CSMD1: variants seen among roughly 807,000 people sequenced by gnomAD.
The protein encoded by CSMD1 is CUB and Sushi multiple domains 1, also known as CUB and sushi domain-containing protein 1.
In CSMD1, 213 loss-of-function variants were observed where a neutral mutation model predicts 417.5. The ratio of observed to expected loss-of-function variants is 0.51; its 90% CI spans 0.46 to 0.57. The LOEUF (loss-of-function observed/expected upper bound fraction) is 0.57, where lower values mean the gene tolerates loss of function less well. Ranked by LOEUF, CSMD1 falls within the 20% of genes least tolerant of loss-of-function variation. The pLI, the probability that CSMD1 is intolerant of heterozygous loss-of-function variation, is 0.00. For missense variants in CSMD1, 6,923 were observed against 4,529.7 expected (o/e 1.53, Z -15.17); for synonymous variants, 2,862 against 1,736.8 (o/e 1.65, Z -16.11).
Position 4,739,027 on chromosome 8 carries a change from A to G in CSMD1, c.86-101469T>C, listed in dbSNP as rs184253772. 2.6e-3 allele frequency among the ~76,000 whole-genome samples: 402 copies of G among 152,182 alleles called. 1 individual carries two copies. Among genetic ancestry groups the G allele is most frequent in the African/African-American group, 9.0e-3 (373 of 41,464 alleles). ...CATGCTAAAACAAGTTAAAAGTTAA[A>G]GGAATGTAGTGTGAGTAACTGATAT... On this transcript the variant is annotated intron_variant, in intron 1 of 69. Transcript: ENST00000635120.
At chr8:3,772,626 C>G (rs202063978) in intron 5 of CSMD1, among the ~76,000 whole-genome samples, 1 of 123,908 alleles carries the variant, frequency 8.1e-6, no homozygotes, top group Non-Finnish European at 1.6e-5. Context: ...TACATATATA[C>G]ACATATATTT....
At chr8:4,143,009 T>C (rs533371132) in intron 3 of CSMD1, among the ~76,000 whole-genome samples, 1 of 150,284 alleles carries the variant, frequency 6.7e-6, no homozygotes, top group South Asian at 2.1e-4. Context: ...AAAAATGCTC[T>C]CCATTTAGGA....
At chr8:4,767,433 C>T (rs1319606431) in intron 1 of CSMD1, among the ~76,000 whole-genome samples, 1 of 152,138 alleles carries the variant, frequency 6.6e-6, no homozygotes, top group Non-Finnish European at 1.5e-5. Context: ...AAAACATCAT[C>T]CTGACCAATC....
At chr8:3,512,855 C>G (rs938753251) in intron 10 of CSMD1, among the ~76,000 whole-genome samples, 1 of 151,996 alleles carries the variant, frequency 6.6e-6, no homozygotes, top group African/African-American at 2.4e-5. Context: ...CTCGGCCTCC[C>G]AAAATGCTGG....
At chr8:3,167,621 C>T (rs569256977) in intron 37 of CSMD1, among the ~76,000 whole-genome samples, 6 of 152,194 alleles carry the variant, frequency 3.9e-5, no homozygotes, top group Admixed American at 2.6e-4. Flanking sequence ...TGTAAAATTG[C>T]AATTAGATGT....
intron 3 of CSMD1, among the ~76,000 whole-genome samples, chr8:4,290,997 A>T (rs1482059084): frequency 6.6e-6 from 1 of 152,146 alleles, no homozygotes; most frequent in Non-Finnish European, 1.5e-5. Context: ...TATTTGTTAA[A>T]TGTATATGTA....
intron 6 of CSMD1, among the ~76,000 whole-genome samples, chr8:3,747,914 A>C (rs1353595624): frequency 6.6e-6 from 1 of 152,178 alleles, no homozygotes; most frequent in African/African-American, 2.4e-5. Flanking sequence ...GCTCCCTCCC[A>C]CTTCCCAGCC....
chr8:3,314,695 C>G (rs906559936), intron 23 of CSMD1, among the ~76,000 whole-genome samples: 2 of 152,182 alleles, frequency 1.3e-5, no homozygotes, highest in African/African-American at 4.8e-5. Flanking sequence ...AATTACTTCT[C>G]CATATATGTT....
At chr8:4,225,367 T>C (rs781447915) in intron 3 of CSMD1, among the ~76,000 whole-genome samples, 9 of 152,212 alleles carry the variant, frequency 5.9e-5, no homozygotes, top group Non-Finnish European at 1.0e-4. Context: ...ATTAACAATA[T>C]ACATCGTGTT....
chr8:3,874,504 G>C (rs1195157559), intron 5 of CSMD1, among the ~76,000 whole-genome samples: 1 of 152,170 alleles, frequency 6.6e-6, no homozygotes, highest in African/African-American at 2.4e-5. Flanking sequence ...ACGTTGCATT[G>C]AAACACATGC....
chr8:4,652,371 G>T (rs1803950782), intron 1 of CSMD1, among the ~76,000 whole-genome samples: 1 of 110,646 alleles, frequency 9.0e-6, no homozygotes, highest in Non-Finnish European at 1.9e-5. Context: ...AAACATATGA[G>T]ACTTCCATTC....
chr8:4,401,724 C>G (rs537871085), intron 3 of CSMD1, among the ~76,000 whole-genome samples: 10 of 152,238 alleles, frequency 6.6e-5, no homozygotes, highest in African/African-American at 2.4e-4. Context: ...TGAGAATTCC[C>G]TTAACATTCC....
rs370235592 is a variant in CSMD1 at position 4,568,540 on chromosome 8, T to C, written c.302+68802A>G. ...TATCATTGATGGGCATTTGGGTTGA[T>C]TCCAAGGTTTTTCTATACTAAATGG... On this transcript the variant is annotated intron_variant, in intron 2 of 69. Transcript: ENST00000635120. 9.8e-5 allele frequency among the ~76,000 whole-genome samples: 15 copies of C among 152,292 alleles called. No individual in the cohort carries two copies. The East Asian group carries it at 2.3e-3, about 24-fold the overall frequency.
Position 3,710,032 on chromosome 8 carries a change from C to T in CSMD1, c.932-1541G>A, listed in dbSNP as rs5003043. ...AAAACCTAAATGAAAATAGCCCACT[C>T]TTGACCAGATGCCTTACCAATAACA... On this transcript the variant is annotated intron_variant, in intron 6 of 69. Transcript: ENST00000635120. Among the ~76,000 whole-genome samples the T allele has an allele frequency of 1.3e-5, 2 of 151,824 alleles. 1 individual carries two copies. The highest frequency in any genetic ancestry group is 4.2e-4 in the South Asian group (2 of 4,802).
At chr8:4,709,538 C>T (rs529160414) in intron 1 of CSMD1, among the ~76,000 whole-genome samples, 3 of 152,308 alleles carry the variant, frequency 2.0e-5, no homozygotes, top group Admixed American at 6.5e-5. Flanking sequence ...GCAGAGACCT[C>T]GAGGCTGGAG....
intron 5 of CSMD1, among the ~76,000 whole-genome samples, chr8:3,960,465 A>C (rs1812249450): frequency 6.6e-6 from 1 of 152,202 alleles, no homozygotes; most frequent in East Asian, 1.9e-4. Flanking sequence ...ACAGGGGCGA[A>C]TATTATTTAT....
At chr8:4,109,505 T>A (rs1159208231) in intron 3 of CSMD1, among the ~76,000 whole-genome samples, 1 of 152,188 alleles carries the variant, frequency 6.6e-6, no homozygotes, top group African/African-American at 2.4e-5. Flanking sequence ...TGTGCATGAA[T>A]AAGTAGACTT....
chr8:3,779,781 C>T (rs929645097), intron 5 of CSMD1, among the ~76,000 whole-genome samples: 4 of 152,110 alleles, frequency 2.6e-5, no homozygotes, highest in Non-Finnish European at 5.9e-5. Context: ...ATGCTCCTTC[C>T]AGAAGATTAA....
At chr8:4,571,797 G>C (rs370693209) in intron 2 of CSMD1, among the ~76,000 whole-genome samples, 1 of 152,122 alleles carries the variant, frequency 6.6e-6, no homozygotes, top group South Asian at 2.1e-4. Flanking sequence ...CTTGCTTTCC[G>C]AATCTGGGGG....
Sources: gnomAD v4.1 joint callset for allele counts (sites outside exome capture counted in the v4.1 genomes callset) on GRCh38, gnomAD v4.1.1 for gene constraint, MANE v1.5 for transcripts, NCBI Gene and HGNC (gene_info 2026-07-23, HGNC 2026-07-21) for gene names.